The following KLHL1 variants were observed in gnomAD, a reference collection of about 807,000 sequenced individuals.
The protein encoded by KLHL1 is kelch like family member 1.
In KLHL1, 47 loss-of-function variants were observed where a neutral mutation model predicts 77.7. That is an observed-to-expected ratio of 0.60 (90% CI 0.48 to 0.77). KLHL1 has a LOEUF of 0.77. Among genes scored for constraint, KLHL1 ranks in the 30% least tolerant of loss-of-function variants. The probability of loss-of-function intolerance (pLI) is 0.00; values close to 1 mark genes in which losing one functional copy is unlikely to be tolerated. For synonymous variants in KLHL1, 360 were observed against 325.2 expected, an observed-to-expected ratio of 1.11 and a Z score of -1.15; for missense variants, 925 against 910.8, an observed-to-expected ratio of 1.02 and a Z score of -0.20.
chr13:69,886,737 T>C (rs950881320), intron 4 of KLHL1, among the ~76,000 whole-genome samples: 3 of 152,168 alleles, frequency 2.0e-5, no homozygotes, highest in Admixed American at 6.6e-5. Flanking sequence ...TTATGTACTA[T>C]ATGGTTAACT....
intron 1 of KLHL1, among the ~76,000 whole-genome samples, chr13:70,098,937 G>C (rs2137451845): frequency 6.6e-6 from 1 of 151,646 alleles, no homozygotes; most frequent in South Asian, 2.1e-4. Context: ...ATCTAATTTT[G>C]AGATGGATTA....
intron 1 of KLHL1, among the ~76,000 whole-genome samples, chr13:69,994,849 C>T (rs895974883): frequency 6.6e-6 from 1 of 152,038 alleles, no homozygotes; most frequent in African/African-American, 2.4e-5. Context: ...GGCAATTATG[C>T]AGTGAATCTA....
chr13:69,955,916 T>C (rs912761097), intron 3 of KLHL1, among the ~76,000 whole-genome samples: 3 of 118,918 alleles, frequency 2.5e-5, no homozygotes, highest in Non-Finnish European at 5.3e-5. Flanking sequence ...ATATTTGATA[T>C]ATATATTTAT....
chr13:70,042,065 G>A (rs905850858), intron 1 of KLHL1, among the ~76,000 whole-genome samples: 6 of 152,046 alleles, frequency 3.9e-5, no homozygotes, highest in Admixed American at 1.3e-4. Flanking sequence ...AGAAAAAGCA[G>A]GCTTATCCTA....
intron 1 of KLHL1, among the ~76,000 whole-genome samples, chr13:69,977,889 G>A (rs1301975004): frequency 2.0e-5 from 3 of 152,072 alleles, no homozygotes; most frequent in Non-Finnish European, 4.4e-5. Flanking sequence ...CGAAAAAATT[G>A]ACAGAGAAGC....
intron 1 of KLHL1, among the ~76,000 whole-genome samples, chr13:70,019,887 G>A (rs1237881361): frequency 2.6e-5 from 4 of 152,146 alleles, no homozygotes; most frequent in Non-Finnish European, 5.9e-5. Flanking sequence ...TTTAGGTCAT[G>A]AAGGCTCCAT....
At chr13:69,801,695 TTGATA>T (rs1488077148) in intron 6 of KLHL1, among the ~76,000 whole-genome samples, 1 of 152,248 alleles carries the variant, frequency 6.6e-6, no homozygotes, top group East Asian at 1.9e-4. Context: ...TTCTGACTAT[TTGATA>T]TAAGACAACA....
At chr13:69,868,820 T>G (rs1376497177) in intron 5 of KLHL1, among the ~76,000 whole-genome samples, 7 of 152,132 alleles carry the variant, frequency 4.6e-5, no homozygotes, top group African/African-American at 1.7e-4. Flanking sequence ...ATTAATGAGC[T>G]TTACAATGTT....
At chr13:70,096,434 C>G (rs1453976335) in intron 1 of KLHL1, among the ~76,000 whole-genome samples, 3 of 151,976 alleles carry the variant, frequency 2.0e-5, no homozygotes, top group Non-Finnish European at 4.4e-5. Context: ...TTATATTTCT[C>G]TGATGATTAA....
intron 5 of KLHL1, among the ~76,000 whole-genome samples, chr13:69,877,199 C>T (rs1374586045): frequency 6.6e-6 from 1 of 152,076 alleles, no homozygotes; most frequent in Non-Finnish European, 1.5e-5. Flanking sequence ...AAACAACATA[C>T]TTTTACATTT....
At chr13:69,980,753 G>C (rs921354685) in intron 1 of KLHL1, among the ~76,000 whole-genome samples, 5 of 151,998 alleles carry the variant, frequency 3.3e-5, no homozygotes, top group Admixed American at 3.3e-4. Context: ...GTGCTGAGGG[G>C]AAAGCCTTAT....
intron 1 of KLHL1, among the ~76,000 whole-genome samples, chr13:70,084,622 CTTTTTTTTT>C (rs71116988): frequency 1.1e-3 from 16 of 14,954 alleles, no homozygotes; most frequent in African/African-American, 3.1e-3. Flanking sequence ...CCACGCCAGG[CTTTTTTTTT>C]TTTTTTTTTT....
At chr13:70,018,272 G>A (rs888810870) in intron 1 of KLHL1, among the ~76,000 whole-genome samples, 8 of 152,134 alleles carry the variant, frequency 5.3e-5, no homozygotes, top group Non-Finnish European at 8.8e-5. Context: ...TTATAAATTA[G>A]AAAGTTGATA....
At chr13:69,956,346 T>C (rs997024246) in intron 3 of KLHL1, among the ~76,000 whole-genome samples, 12 of 150,804 alleles carry the variant, frequency 8.0e-5, no homozygotes, top group African/African-American at 2.9e-4. Flanking sequence ...ATACATATAG[T>C]AAAACTTGAG....
At chr13:69,897,586 G>A (rs1881693324) in intron 4 of KLHL1, among the ~76,000 whole-genome samples, 1 of 152,148 alleles carries the variant, frequency 6.6e-6, no homozygotes, top group African/African-American at 2.4e-5. Flanking sequence ...GTTCCTTGCT[G>A]GATGTGTCAC....
At chr13:69,860,393 C>T (rs1880096760) in intron 5 of KLHL1, among the ~76,000 whole-genome samples, 1 of 151,940 alleles carries the variant, frequency 6.6e-6, no homozygotes, top group African/African-American at 2.4e-5. Context: ...ATGTTAGTGG[C>T]ATTGTAAGAT....
At chr13:69,975,497 CAA>C (rs1157174734) in intron 2 of KLHL1, 121 bp downstream of exon 2, 63 of 796,798 alleles carry the variant, frequency 7.9e-5, no homozygotes, top group Non-Finnish European at 1.2e-4. Context: ...ACAACAACAA[CAA>C]AAAACTTAAA....
At chr13:69,816,543 G>T (rs928448412) in intron 6 of KLHL1, among the ~76,000 whole-genome samples, 1 of 151,944 alleles carries the variant, frequency 6.6e-6, no homozygotes, top group Admixed American at 6.6e-5. Flanking sequence ...GGGATTACAG[G>T]CACCGTGCCT....
chr13:70,039,268 G>C (rs1198767803), intron 1 of KLHL1, among the ~76,000 whole-genome samples: 1 of 151,898 alleles, frequency 6.6e-6, no homozygotes, highest in African/African-American at 2.4e-5. Context: ...GCTTTTGGTA[G>C]AGACAGGGTT....
Sources: gnomAD v4.1 joint callset for allele counts (sites outside exome capture counted in the v4.1 genomes callset) on GRCh38, gnomAD v4.1.1 for gene constraint, MANE v1.5 for transcripts, NCBI Gene and HGNC (gene_info 2026-07-23, HGNC 2026-07-21) for gene names.